Variants in AFG1L observed in about 807,000 individuals in gnomAD.
AFG1L encodes AFG1-like ATPase.
A neutral mutation model predicts 62.2 loss-of-function variants in AFG1L; 53 were observed. The observed-to-expected ratio is 0.85, with a 90% confidence interval of 0.68 to 1.07. The LOEUF is 1.07. Among genes scored for constraint, AFG1L ranks in the 50% least tolerant of loss-of-function variants. The pLI is 0.00. For synonymous variants in AFG1L, 228 were observed against 210.3 expected, an observed-to-expected ratio of 1.08 and a Z score of -0.73; for missense variants, 555 against 590.5, an observed-to-expected ratio of 0.94 and a Z score of 0.62.
intron 1 of AFG1L, among the ~76,000 whole-genome samples, chr6:108,306,610 T>G (rs2114828978): frequency 6.6e-6 from 1 of 152,328 alleles, no homozygotes; most frequent in East Asian, 1.9e-4. Context: ...TCCCATTCAT[T>G]CATTCATTTT....
chr6:108,323,293 A>T (rs1171331585), intron 1 of AFG1L, among the ~76,000 whole-genome samples: 1 of 152,342 alleles, frequency 6.6e-6, no homozygotes, highest in African/African-American at 2.4e-5. Flanking sequence ...AAGAGAGGTT[A>T]CAATTATAGT....
At chr6:108,495,147 G>C (rs555325765) in intron 10 of AFG1L, among the ~76,000 whole-genome samples, 8 of 152,136 alleles carry the variant, frequency 5.3e-5, no homozygotes, top group South Asian at 2.1e-4. Context: ...CAATTCGTGT[G>C]ATATTTTCAG....
At chr6:108,494,088 CTGGGAT>C (rs1773875571) in intron 10 of AFG1L, among the ~76,000 whole-genome samples, 1 of 152,156 alleles carries the variant, frequency 6.6e-6, no homozygotes, top group South Asian at 2.1e-4. Flanking sequence ...TCCCAAACTG[CTGGGAT>C]TACAGGTGTG....
chr6:108,379,604 G>T (rs1780410714), intron 6 of AFG1L, among the ~76,000 whole-genome samples: 1 of 152,186 alleles, frequency 6.6e-6, no homozygotes, highest in African/African-American at 2.4e-5. Flanking sequence ...TCCCCTGATG[G>T]TAGGCACAAG....
intron 10 of AFG1L, among the ~76,000 whole-genome samples, chr6:108,494,442 C>G (rs1410394290): frequency 1.3e-5 from 2 of 151,276 alleles, no homozygotes; most frequent in Non-Finnish European, 2.9e-5. Context: ...CCCCCCCCAC[C>G]CCGCAAAAAA....
chr6:108,407,796 T>C (rs1326045604), intron 7 of AFG1L, among the ~76,000 whole-genome samples: 1 of 152,170 alleles, frequency 6.6e-6, no homozygotes, highest in Non-Finnish European at 1.5e-5. Context: ...CTTTTCAGGG[T>C]CTCCTGATGT....
chr6:108,428,561 C>T (rs1255591492), intron 7 of AFG1L, among the ~76,000 whole-genome samples: 1 of 152,150 alleles, frequency 6.6e-6, no homozygotes, highest in Non-Finnish European at 1.5e-5. Flanking sequence ...ATTTACATTC[C>T]CACGAGCAGT....
chr6:108,381,589 A>G (rs906812173), intron 6 of AFG1L, among the ~76,000 whole-genome samples: 1 of 152,212 alleles, frequency 6.6e-6, no homozygotes, highest in East Asian at 1.9e-4. Flanking sequence ...GAAAAAAAAA[A>G]ATTATAGTGT....
intron 2 of AFG1L, among the ~76,000 whole-genome samples, chr6:108,345,337 T>C (rs1399416777): frequency 1.3e-5 from 2 of 152,054 alleles, no homozygotes; most frequent in African/African-American, 4.8e-5. Flanking sequence ...TATATTATTA[T>C]ATTGACTTCA....
chr6:108,371,339 G>T (rs987426140), intron 6 of AFG1L, among the ~76,000 whole-genome samples: 1 of 152,070 alleles, frequency 6.6e-6, no homozygotes, highest in Non-Finnish European at 1.5e-5. Context: ...CTTTTTGGGA[G>T]GCCTAGGCAG....
chr6:108,518,934 G>A (rs771641412), intron 11 of AFG1L, among the ~76,000 whole-genome samples: 2 of 152,226 alleles, frequency 1.3e-5, no homozygotes, highest in Admixed American at 6.5e-5. Flanking sequence ...CCTGGGGAGC[G>A]TCTTAGGTGC....
chr6:108,412,969 G>T (rs1419402796), intron 7 of AFG1L, among the ~76,000 whole-genome samples: 1 of 152,082 alleles, frequency 6.6e-6, no homozygotes, highest in Non-Finnish European at 1.5e-5. Context: ...ACACAGACTG[G>T]CAAATTGGAT....
intron 10 of AFG1L, among the ~76,000 whole-genome samples, chr6:108,482,397 T>G (rs1169926353): frequency 6.6e-6 from 1 of 152,190 alleles, no homozygotes; most frequent in Admixed American, 6.5e-5. Context: ...TTTGGGCTTA[T>G]GGAAAATCAA....
In AFG1L at chr6:108,324,020, A is replaced by G. The variant is rs575886721; in HGVS notation, c.335A>G (p.Asn112Ser). 7 of 1,612,166 alleles carry G rather than the reference A, an allele frequency of 4.3e-6. No homozygotes were observed. The highest frequency in any genetic ancestry group is 1.1e-5 in the South Asian group (1 of 90,974). Residue 112 changes from asparagine to serine, a missense_variant, in exon 2 of 13, where the codon AAT becomes AGT. Coordinates refer to ENST00000368977, the MANE Select transcript of AFG1L (RefSeq NM_145315.5). ...QKLHEDLKGY[N>S]IEAEGLFSKL... is the part of the protein sequence containing the mutation. ...TTACACGAGGACCTTAAAGGATACA[A>G]TATAGAGGCAGAAGGCCTTTTTTCA...
chr6:108,321,622 G>T (rs1562473276), intron 1 of AFG1L, among the ~76,000 whole-genome samples: 1 of 152,190 alleles, frequency 6.6e-6, no homozygotes, highest in Non-Finnish European at 1.5e-5. Context: ...CAGGGACAAA[G>T]ATCAAATATA....
At chr6:108,353,108 T>A (rs1779144339) in intron 3 of AFG1L, among the ~76,000 whole-genome samples, 1 of 152,088 alleles carries the variant, frequency 6.6e-6, no homozygotes, top group African/African-American at 2.4e-5. Flanking sequence ...TTTGTGCATA[T>A]ACTCAGAAGT....
At chr6:108,390,391 C>T (rs1780997188) in intron 6 of AFG1L, among the ~76,000 whole-genome samples, 1 of 152,226 alleles carries the variant, frequency 6.6e-6, no homozygotes, top group African/African-American at 2.4e-5. Flanking sequence ...CTCTGTCCAG[C>T]TTTGTACCGT....
At chr6:108,300,899 C>G (rs1776971285) in intron 1 of AFG1L, among the ~76,000 whole-genome samples, 1 of 152,128 alleles carries the variant, frequency 6.6e-6, no homozygotes, top group Admixed American at 6.5e-5. Flanking sequence ...GTCTCGATCT[C>G]CTGACCTTGT....
intron 7 of AFG1L, among the ~76,000 whole-genome samples, chr6:108,416,613 T>C (rs980937957): frequency 1.3e-5 from 2 of 152,226 alleles, no homozygotes; most frequent in Admixed American, 6.5e-5. Flanking sequence ...GATGAGTTCA[T>C]GTCCTTTGTA....
Sources: allele counts gnomAD v4.1 joint callset (sites outside exome capture counted in the v4.1 genomes callset), GRCh38; gene constraint gnomAD v4.1.1; transcripts MANE v1.5; gene names NCBI Gene and HGNC (gene_info 2026-07-23, HGNC 2026-07-21).